Variants in CACNA2D3 observed in about 807,000 individuals in gnomAD.
CACNA2D3 encodes the protein voltage-dependent calcium channel subunit alpha-2/delta-3.
A neutral mutation model predicts 160.6 loss-of-function variants in CACNA2D3; 60 were observed. The ratio of observed to expected loss-of-function variants is 0.37; its 90% confidence interval spans 0.30 to 0.46. The LOEUF is 0.46. Ranked by LOEUF, CACNA2D3 falls within the 20% of genes least tolerant of loss-of-function variation. The probability of loss-of-function intolerance (pLI) is 1.00; values close to 1 mark genes in which losing one functional copy is unlikely to be tolerated. For synonymous variants in CACNA2D3, 558 were observed against 492.9 expected, an observed-to-expected ratio of 1.13 and a Z score of -1.75; for missense variants, 1,205 against 1,365.0, an observed-to-expected ratio of 0.88 and a Z score of 1.85.
At chr3:54,296,337 G>A (rs1003792878) in intron 2 of CACNA2D3, among the ~76,000 whole-genome samples, 3 of 152,176 alleles carry the variant, frequency 2.0e-5, no homozygotes, top group African/African-American at 7.2e-5. Context: ...CCACCCTGAT[G>A]TGTTGGTTAT....
chr3:54,332,116 G>T (rs538477301), intron 3 of CACNA2D3, among the ~76,000 whole-genome samples: 1 of 152,308 alleles, frequency 6.6e-6, no homozygotes, highest in African/African-American at 2.4e-5. Context: ...GAAAGAAAGA[G>T]CATTAAGCCT....
intron 11 of CACNA2D3, among the ~76,000 whole-genome samples, chr3:54,705,721 T>A (rs1700845160): frequency 6.6e-6 from 1 of 152,224 alleles, no homozygotes; most frequent in South Asian, 2.1e-4. Flanking sequence ...CTGATATAAT[T>A]ATAGCATAAT....
intron 27 of CACNA2D3, among the ~76,000 whole-genome samples, chr3:54,911,375 A>T: frequency 5.5e-5 from 1 of 18,102 alleles, no homozygotes; most frequent in Admixed American, 8.3e-4. Context: ...TTTTTTTTTA[A>T]AGAGATGGGG....
chr3:54,856,502 TTGTC>T (rs1699174148), intron 17 of CACNA2D3, among the ~76,000 whole-genome samples: 1 of 152,214 alleles, frequency 6.6e-6, no homozygotes, highest in Admixed American at 6.5e-5. Flanking sequence ...CACTTGGCAT[TTGTC>T]TGTTGAACAC....
At chr3:54,868,274 T>C (rs1171677610) in intron 17 of CACNA2D3, among the ~76,000 whole-genome samples, 1 of 152,174 alleles carries the variant, frequency 6.6e-6, no homozygotes, top group African/African-American at 2.4e-5. Flanking sequence ...AAATGAAAAG[T>C]GTTTCATACC....
At chr3:54,574,381 T>C (rs1702548904) in intron 8 of CACNA2D3, among the ~76,000 whole-genome samples, 1 of 152,244 alleles carries the variant, frequency 6.6e-6, no homozygotes, top group South Asian at 2.1e-4. Flanking sequence ...TTTTATTAAG[T>C]TCATTGTGAA....
At chr3:54,409,983 C>G (rs1699638371) in intron 4 of CACNA2D3, among the ~76,000 whole-genome samples, 1 of 152,120 alleles carries the variant, frequency 6.6e-6, no homozygotes, top group Admixed American at 6.5e-5. Flanking sequence ...ATGAAGGTGG[C>G]TATAGAAAAC....
intron 15 of CACNA2D3, among the ~76,000 whole-genome samples, chr3:54,838,216 A>G (rs1030180562): frequency 1.3e-5 from 2 of 152,214 alleles, no homozygotes; most frequent in Non-Finnish European, 2.9e-5. Context: ...AAGCTTTCAT[A>G]AGAGAAACTG....
chr3:54,361,817 A>T (rs1375709725), intron 3 of CACNA2D3, among the ~76,000 whole-genome samples: 2 of 152,168 alleles, frequency 1.3e-5, no homozygotes, highest in Admixed American at 6.5e-5. Flanking sequence ...AGGATCTAAG[A>T]GATGCAAGCT....
At chr3:54,752,838 T>G (rs980207426) in intron 12 of CACNA2D3, among the ~76,000 whole-genome samples, 161 bp downstream of exon 12, 5 of 23,496 alleles carry the variant, frequency 2.1e-4, no homozygotes, top group South Asian at 1.2e-3. Flanking sequence ...CCAAATTATG[T>G]TTTTTTTTTT....
intron 35 of CACNA2D3, among the ~76,000 whole-genome samples, chr3:55,025,666 T>TGATGCTGAAGA (rs1703550886): frequency 6.7e-6 from 1 of 148,248 alleles, no homozygotes; most frequent in South Asian, 2.1e-4. Context: ...AAAGCATAGT[T>TGATGCTGAAGA]GATGCTGAAG....
Position 54,250,238 on chromosome 3 carries a change from A to G in CACNA2D3, c.205-70204A>G, listed in dbSNP as rs145438323. ...GTTGATAAGTGACAAACACAGAACT[A>G]TAAATCTGGCAATGTATTATCTACC... On this transcript the variant is annotated intron_variant, in intron 2 of 37. Transcript: ENST00000474759. Among the ~76,000 whole-genome samples, 19 of 152,312 alleles carry G rather than the reference A, an allele frequency of 1.2e-4. No homozygotes were observed. The East Asian group carries it at 2.9e-3, about 23-fold the overall frequency.
rs10531049 is a variant in CACNA2D3 at position 54,322,309 on chromosome 3, C to CT, written c.321+1758dup. On this transcript the variant is annotated intron_variant, in intron 3 of 37. Coordinates refer to ENST00000474759, the MANE Select transcript of CACNA2D3 (RefSeq NM_018398.3). ...AAAGCTGAGTAACCCCTGTGAATCT[C>CT]TTTTTTTCCTCACTTACCAGCCTGG... Among the ~76,000 whole-genome samples, 32 of 152,294 alleles carry CT rather than the reference C, an allele frequency of 2.1e-4. No individual in the cohort carries two copies. In the East Asian group the frequency reaches 5.6e-3, roughly 27 times the overall value.
At chr3:54,857,288 C>T (rs1487140348) in intron 17 of CACNA2D3, among the ~76,000 whole-genome samples, 10 of 152,160 alleles carry the variant, frequency 6.6e-5, no homozygotes, top group Admixed American at 5.9e-4. Flanking sequence ...GGCTGCATGT[C>T]GTGAAGTCGT....
At chr3:54,896,716 A>G (rs1210105925) in intron 25 of CACNA2D3, 33 bp from the exon 26 acceptor site, 2 of 1,613,744 alleles carry the variant, frequency 1.2e-6, no homozygotes, top group African/African-American at 2.7e-5. Context: ...CTGCTGAGTG[A>G]TGCATGTTCT....
chr3:54,296,105 C>T (rs1480883730), intron 2 of CACNA2D3, among the ~76,000 whole-genome samples: 1 of 152,130 alleles, frequency 6.6e-6, no homozygotes, highest in African/African-American at 2.4e-5. Context: ...GTGCACGTCC[C>T]AGTGGCTTTA....
chr3:54,958,568 C>T (rs904813061), intron 27 of CACNA2D3, among the ~76,000 whole-genome samples: 1 of 152,132 alleles, frequency 6.6e-6, no homozygotes, highest in African/African-American at 2.4e-5. Flanking sequence ...GGGATTGGGA[C>T]GTCTCCTGAG....
chr3:54,557,863 G>A (rs934793132), intron 5 of CACNA2D3, among the ~76,000 whole-genome samples: 61 of 152,280 alleles, frequency 4.0e-4, no homozygotes, highest in African/African-American at 1.4e-3. Context: ...GTTTATTACA[G>A]TTTACAAGAG....
Position 54,846,374 on chromosome 3 carries a change from T to A in CACNA2D3, c.1552-19T>A. 1 of 1,565,000 alleles carries A rather than the reference T, an allele frequency of 6.4e-7. No individual in the cohort carries two copies. The highest frequency in any genetic ancestry group is 1.2e-5 in the South Asian group (1 of 86,270). On this transcript the variant is annotated intron_variant, in intron 16 of 37. Transcript: ENST00000474759. Reference sequence around the variant, plus strand: ...AGGGAGCAAGCTAATGAAGGTTTCTTTCTTGCTTCCTCTTACAGTTAGGGA... The same window carrying A: ...AGGGAGCAAGCTAATGAAGGTTTCTATCTTGCTTCCTCTTACAGTTAGGGA...
Sources: gnomAD v4.1 joint callset for allele counts (sites outside exome capture counted in the v4.1 genomes callset) on GRCh38, gnomAD v4.1.1 for gene constraint, MANE v1.5 for transcripts, NCBI Gene and HGNC (gene_info 2026-07-23, HGNC 2026-07-21) for gene names.